The following NDUFA10 variants were observed in gnomAD, a reference collection of about 807,000 sequenced individuals.
NDUFA10 encodes NADH dehydrogenase [ubiquinone] 1 alpha subcomplex subunit 10, mitochondrial.
A neutral mutation model predicts 47.8 loss-of-function variants in NDUFA10; 40 were observed. The ratio of observed to expected loss-of-function variants is 0.84; its 90% CI spans 0.65 to 1.09. The LOEUF (loss-of-function observed/expected upper bound fraction) is 1.09, where lower values mean the gene tolerates loss of function less well. Ranked by LOEUF, NDUFA10 falls within the 50% of genes least tolerant of loss-of-function variation. The probability of loss-of-function intolerance (pLI) is 0.00; values close to 1 mark genes in which losing one functional copy is unlikely to be tolerated. For synonymous variants in NDUFA10, 183 were observed against 172.2 expected (o/e 1.06, Z -0.49); for missense variants, 413 against 451.1 (o/e 0.92, Z 0.76).
chr2:240,025,181 C>CGCCACCCT (rs1476132416), intron 1 of NDUFA10, 46 bp downstream of exon 1: 4 of 618,282 alleles, frequency 6.5e-6, no homozygotes, highest in South Asian at 2.7e-5. Context: ...CCCGCCACCC[C>CGCCACCCT]GCCACCCTGC....
At chr2:239,981,805 A>G (rs2106429009) in intron 9 of NDUFA10, among the ~76,000 whole-genome samples, 1 of 152,286 alleles carries the variant, frequency 6.6e-6, no homozygotes, top group East Asian at 1.9e-4. Context: ...TATAAGGCAT[A>G]GTTTTAGTAA....
intron 4 of NDUFA10, among the ~76,000 whole-genome samples, chr2:239,922,855 C>T (rs1403841196): frequency 2.6e-5 from 4 of 152,262 alleles, no homozygotes; most frequent in Admixed American, 2.0e-4. Flanking sequence ...TGGTAGGGTA[C>T]GGATACCACA....
intron 9 of NDUFA10, 78 bp downstream of exon 9, chr2:239,989,996 T>G: frequency 1.9e-6 from 2 of 1,056,648 alleles, no homozygotes; most frequent in Admixed American, 3.4e-5. Flanking sequence ...AAAACTCCTT[T>G]CTGGAGAAGT....
At chr2:239,910,962 A>C (rs1693743489) in intron 4 of NDUFA10, among the ~76,000 whole-genome samples, 1 of 152,222 alleles carries the variant, frequency 6.6e-6, no homozygotes, top group Non-Finnish European at 1.5e-5. Flanking sequence ...AGTGCCCGGC[A>C]GAGAGGAGGC....
In NDUFA10 at chr2:239,960,478, T is replaced by A; in HGVS notation, c.*640A>T. 3 of 990,462 alleles carry A rather than the reference T, an allele frequency of 3.0e-6. No homozygotes were observed. Among genetic ancestry groups the A allele is most frequent in the Non-Finnish European group, 3.6e-6 (3 of 832,578 alleles). The allele number at this position is 990,462 out of a possible 1,614,324, so 61.4% of individuals were successfully genotyped here. On this transcript the variant is annotated 3_prime_UTR_variant, in exon 10 of 10. Coordinates refer to ENST00000252711, the MANE Select transcript of NDUFA10 (RefSeq NM_004544.4). ...GACGCTGAGGACGGCCACGTGAATC[T>A]TTCTCAACGTCTCTCTTAAAACATA...
chr2:239,895,421 C>A, intron 4 of NDUFA10: 2 of 224,914 alleles, frequency 8.9e-6, no homozygotes, highest in Admixed American at 5.5e-5. Context: ...GGTTCTGAAG[C>A]CAGGGCAGCA....
rs1697525716 is a variant in NDUFA10, at chr2:240,019,595, G to A, written c.461-956C>T. Among the ~76,000 whole-genome samples the A allele has an allele frequency of 7.2e-5, 2 of 27,892 alleles. 1 individual carries two copies. Among genetic ancestry groups the A allele is most frequent in the African/African-American group, 2.7e-4 (2 of 7,498 alleles). 18.3% of individuals were successfully genotyped at this position (27,892 alleles called of 152,430 possible). On this transcript the variant is annotated intron_variant, in intron 3 of 9. Transcript: ENST00000252711. ...GCACTTTGGGAGGCCGAGGCGGGCG[G>A]ATCACGAGGTCAGGAGATCGAGACC...
At chr2:239,919,309 C>T (rs1352224816) in intron 4 of NDUFA10, among the ~76,000 whole-genome samples, 1 of 152,108 alleles carries the variant, frequency 6.6e-6, no homozygotes, top group Non-Finnish European at 1.5e-5. Context: ...TGCACTGGGG[C>T]CTCCCACCCC....
chr2:239,960,148 G>A lies in NDUFA10; in HGVS notation c.*970C>T. 1 of 983,224 alleles carries A rather than the reference G, an allele frequency of 1.0e-6. No individual in the cohort carries two copies. The highest frequency in any genetic ancestry group is 1.1e-4 in the East Asian group (1 of 8,806). 60.9% of individuals were successfully genotyped at this position (983,224 alleles called of 1,614,324 possible). On this transcript the variant is annotated 3_prime_UTR_variant, in exon 10 of 10. Transcript: ENST00000252711. Reference sequence around the variant, plus strand: ...TTTACAGTGGAAAACCCACAGTTCAGTAGGACTCACAACTGGCAGCCTGAT... The same window carrying A: ...TTTACAGTGGAAAACCCACAGTTCAATAGGACTCACAACTGGCAGCCTGAT...
intron 8 of NDUFA10, among the ~76,000 whole-genome samples, chr2:240,000,561 T>A (rs1020961061): frequency 6.6e-6 from 1 of 152,238 alleles, no homozygotes; most frequent in Non-Finnish European, 1.5e-5. Flanking sequence ...ATAAATTTAG[T>A]GTAGCCTAAT....
intron 4 of NDUFA10, among the ~76,000 whole-genome samples, chr2:239,934,963 G>C (rs1166453145): frequency 6.6e-6 from 1 of 152,156 alleles, no homozygotes; most frequent in Non-Finnish European, 1.5e-5. Flanking sequence ...CCACCAGCCT[G>C]GCCCTCCCCA....
At chr2:239,923,521 T>A (rs939851234) in intron 4 of NDUFA10, among the ~76,000 whole-genome samples, 1 of 151,950 alleles carries the variant, frequency 6.6e-6, no homozygotes, top group African/African-American at 2.4e-5. Context: ...GATTTATAAA[T>A]AATACATGGG....
Position 239,960,246 on chromosome 2 carries a change from T to G in NDUFA10, c.*872A>C. On this transcript the variant is annotated 3_prime_UTR_variant, in exon 10 of 10. Coordinates refer to ENST00000252711, the MANE Select transcript of NDUFA10 (RefSeq NM_004544.4). Reference sequence around the variant, plus strand: ...TAGGACTCACAACTGACAGCTTGATTCCTAAACCATGATGCTGAACCACAA... The same window carrying G: ...TAGGACTCACAACTGACAGCTTGATGCCTAAACCATGATGCTGAACCACAA... 1.0e-6 allele frequency: 1 copy of G among 985,602 alleles called. No homozygotes were observed. The highest frequency in any genetic ancestry group is 4.7e-5 in the South Asian group (1 of 21,288). 61.1% of individuals were successfully genotyped at this position (985,602 alleles called of 1,614,324 possible). A position where few individuals can be genotyped will look rare whatever the true frequency, so the allele number is the denominator to read the frequency against.
rs142574082 is a variant in NDUFA10 at position 239,995,732 on chromosome 2, T to C, written c.891-5550A>G. The stretch of plus-strand genomic sequence containing the variant: ...CTACAAGAAAACTAAAGACTCGAGA[T>C]AGAAGAGGAAAAAAGACACACCATG... On this transcript the variant is annotated intron_variant, in intron 8 of 9. Transcript: ENST00000252711. Among the ~76,000 whole-genome samples the C allele has an allele frequency of 3.7e-4, 56 of 152,162 alleles. No individual in the cohort carries two copies. The East Asian group carries it at 8.7e-3, about 24-fold the overall frequency.
At chr2:239,974,923 C>T (rs1192622138) in intron 9 of NDUFA10, among the ~76,000 whole-genome samples, 1,645 of 90,032 alleles carry the variant, frequency 0.018, 12 homozygotes, top group Admixed American at 0.022. Flanking sequence ...TGTGACACTC[C>T]GCCACCAAAG....
chr2:239,981,408 T>C (rs1455525828), intron 9 of NDUFA10, among the ~76,000 whole-genome samples: 1 of 111,266 alleles, frequency 9.0e-6, no homozygotes, highest in Non-Finnish European at 1.8e-5. Flanking sequence ...ATAAAATAAC[T>C]AGGTTTAAAA....
At chr2:240,005,608 C>T (rs896244536) in intron 7 of NDUFA10, among the ~76,000 whole-genome samples, 1 of 152,196 alleles carries the variant, frequency 6.6e-6, no homozygotes, top group African/African-American at 2.4e-5. Flanking sequence ...CCTCCTGCCT[C>T]AGCCTCCCAA....
intron 9 of NDUFA10, among the ~76,000 whole-genome samples, chr2:239,967,303 A>G (rs1345768378): frequency 1.3e-5 from 2 of 152,144 alleles, no homozygotes; most frequent in Non-Finnish European, 2.9e-5. Flanking sequence ...TGCCTCATGC[A>G]TGGGTCGGCA....
chr2:240,017,777 G>A lies in NDUFA10; in HGVS notation c.547+776C>T, dbSNP rs968220969. On this transcript the variant is annotated intron_variant, in intron 4 of 9. Coordinates refer to ENST00000252711, the MANE Select transcript of NDUFA10 (RefSeq NM_004544.4). The stretch of plus-strand genomic sequence containing the variant: ...GTACCGGCAACACCAGGACACACAA[G>A]CAGCCAGAAGCAGGCGCCTCCTCCA... The A allele has an allele frequency of 2.7e-6, 4 of 1,506,100 alleles. No individual in the cohort carries two copies. The African/African-American group carries it at 5.5e-5, about 21-fold the overall frequency. 93.3% of individuals were successfully genotyped at this position (1,506,100 alleles called of 1,614,324 possible).
Sources: allele counts gnomAD v4.1 joint callset (sites outside exome capture counted in the v4.1 genomes callset), GRCh38; gene constraint gnomAD v4.1.1; transcripts MANE v1.5; gene names NCBI Gene and HGNC (gene_info 2026-07-23, HGNC 2026-07-21).